FAM184A: variants seen among roughly 807,000 people sequenced by gnomAD.
The protein encoded by FAM184A is protein FAM184A.
Under a neutral mutation model 143.8 loss-of-function variants are expected in FAM184A, and 99 were observed. The observed-to-expected ratio is 0.69, with a 90% CI of 0.58 to 0.81. FAM184A has a LOEUF of 0.81. Among genes scored for constraint, FAM184A ranks in the 40% least tolerant of loss-of-function variants. The pLI is 0.00. For synonymous variants in FAM184A, 427 were observed against 446.4 expected (o/e 0.96, Z 0.55); for missense variants, 1,217 against 1,310.5 (o/e 0.93, Z 1.10).
intron 9 of FAM184A, among the ~76,000 whole-genome samples, chr6:118,991,143 ATATTT>A (rs949940310): frequency 1.3e-5 from 2 of 151,774 alleles, no homozygotes; most frequent in Admixed American, 1.3e-4. Context: ...GTAAGAAAAG[ATATTT>A]TATTTTATTT....
intron 1 of FAM184A, among the ~76,000 whole-genome samples, chr6:119,032,142 C>A (rs1373573966): frequency 6.6e-6 from 1 of 151,830 alleles, no homozygotes; most frequent in Non-Finnish European, 1.5e-5. Context: ...CATGGTGGTA[C>A]GTGCCTATAA....
chr6:118,960,657 G>T, intron 17 of FAM184A: 1 of 427,910 alleles, frequency 2.3e-6, no homozygotes, highest in South Asian at 2.3e-5. Context: ...TCCAGGAAAG[G>T]GAGAACACTA....
intron 1 of FAM184A, among the ~76,000 whole-genome samples, chr6:119,066,149 A>G (rs1787445623): frequency 1.3e-5 from 2 of 152,222 alleles, no homozygotes; most frequent in South Asian, 2.1e-4. Flanking sequence ...ATTGGCCTAC[A>G]TGACTTTGTA....
chr6:118,988,168 C>T (rs1784253373), intron 9 of FAM184A, among the ~76,000 whole-genome samples: 1 of 151,856 alleles, frequency 6.6e-6, no homozygotes, highest in Non-Finnish European at 1.5e-5. Context: ...CAGAAATCAA[C>T]TAAGTGAAAG....
intron 1 of FAM184A, among the ~76,000 whole-genome samples, chr6:119,148,248 A>C (rs1007958766): frequency 3.3e-5 from 5 of 152,080 alleles, no homozygotes; most frequent in Non-Finnish European, 7.4e-5. Context: ...ACTTCTGGTG[A>C]TCTCCTGAGT....
intron 1 of FAM184A, among the ~76,000 whole-genome samples, chr6:119,073,160 C>G (rs557922197): frequency 6.6e-6 from 1 of 152,176 alleles, no homozygotes; most frequent in African/African-American, 2.4e-5. Context: ...TCAATGCTAA[C>G]GCACAGCAAG....
rs1048669494 is a variant in FAM184A, at chr6:119,058,191, T to C, written c.159+19950A>G. On this transcript the variant is annotated intron_variant, in intron 1 of 17. Transcript: ENST00000338891. ...TCCTTCTCTCTTTTTTTTTTTTTTT[T>C]TTTTTTTTTTGAGATAGAGTCTTGC... Among the ~76,000 whole-genome samples the C allele has an allele frequency of 4.2e-5, 6 of 143,750 alleles. No homozygotes were observed. The East Asian group carries it at 6.0e-4, about 14-fold the overall frequency. 94.3% of individuals were successfully genotyped at this position (143,750 alleles called of 152,430 possible). A position where few individuals can be genotyped will look rare whatever the true frequency, so the allele number is the denominator to read the frequency against.
chr6:119,036,176 C>T (rs1786105217), intron 1 of FAM184A, among the ~76,000 whole-genome samples: 1 of 150,708 alleles, frequency 6.6e-6, no homozygotes, highest in Non-Finnish European at 1.5e-5. Context: ...AGTTCAGCCC[C>T]ATAAATGATT....
intron 14 of FAM184A, among the ~76,000 whole-genome samples, chr6:118,970,207 T>C (rs1783655479): frequency 6.6e-6 from 1 of 150,630 alleles, no homozygotes; most frequent in Non-Finnish European, 1.5e-5. Flanking sequence ...TTTTACCATG[T>C]TGGTCAGGCT....
intron 1 of FAM184A, among the ~76,000 whole-genome samples, chr6:119,097,762 C>T (rs1167791404): frequency 6.6e-6 from 1 of 152,126 alleles, no homozygotes; most frequent in Non-Finnish European, 1.5e-5. Flanking sequence ...CAGAATCTGT[C>T]TCTCTCTTTC....
intron 1 of FAM184A, among the ~76,000 whole-genome samples, chr6:119,071,131 A>C (rs1787670902): frequency 6.6e-6 from 1 of 152,204 alleles, no homozygotes; most frequent in South Asian, 2.1e-4. Flanking sequence ...AAAATGAAGA[A>C]ATTACTCCAG....
rs781745656 is a variant in FAM184A, at chr6:119,019,958, G to C, written c.1332+20C>G. 4 of 1,506,816 alleles carry C rather than the reference G, an allele frequency of 2.7e-6. No individual in the cohort carries two copies. The South Asian group carries it at 4.1e-5, about 15-fold the overall frequency. The allele number at this position is 1,506,816 out of a possible 1,614,324, so 93.3% of individuals were successfully genotyped here. A position where few individuals can be genotyped will look rare whatever the true frequency, so the allele number is the denominator to read the frequency against. ...AAACGGAACTCTTTCGGGGGGAATG[G>C]AGTGTCCATTACTTTTTACCTTCTC... is the stretch of plus-strand genomic sequence containing the variant. On this transcript the variant is annotated intron_variant, in intron 4 of 17. Coordinates refer to ENST00000338891, the MANE Select transcript of FAM184A (RefSeq NM_024581.6).
At chr6:119,136,841 C>G (rs1206340195) in intron 1 of FAM184A, among the ~76,000 whole-genome samples, 1 of 152,174 alleles carries the variant, frequency 6.6e-6, no homozygotes, top group East Asian at 1.9e-4. Context: ...ACAGTTCCAC[C>G]AAGACGGCTA....
At chr6:118,979,103 C>T (rs1783940216) in intron 11 of FAM184A, among the ~76,000 whole-genome samples, 3 of 152,156 alleles carry the variant, frequency 2.0e-5, no homozygotes, top group Admixed American at 2.0e-4. Flanking sequence ...TGTCCTGAGT[C>T]CACTTAGTCC....
intron 1 of FAM184A, among the ~76,000 whole-genome samples, chr6:119,077,201 T>A (rs1008872529): frequency 5.3e-5 from 8 of 152,238 alleles, no homozygotes; most frequent in African/African-American, 1.7e-4. Context: ...AACTTTACAG[T>A]TGAGTCAGAC....
At chr6:118,962,474 G>A (rs903337549) in intron 16 of FAM184A, 1 of 154,588 alleles carries the variant, frequency 6.5e-6, no homozygotes, top group Non-Finnish European at 1.4e-5. Flanking sequence ...AATGTAGTTT[G>A]AAACAAATTG....
intron 1 of FAM184A, among the ~76,000 whole-genome samples, chr6:119,072,042 T>G (rs1787709327): frequency 6.6e-6 from 1 of 151,826 alleles, no homozygotes. Context: ...TTGTATTTTT[T>G]GTAAAGACGG....
intron 9 of FAM184A, among the ~76,000 whole-genome samples, chr6:118,980,955 C>T (rs1339664702): frequency 6.6e-6 from 1 of 152,178 alleles, no homozygotes; most frequent in Non-Finnish European, 1.5e-5. Flanking sequence ...TTAGAATCAT[C>T]ATGTAAATTT....
At chr6:118,993,090 CTA>C (rs1562464676) in intron 9 of FAM184A, among the ~76,000 whole-genome samples, 1 of 152,144 alleles carries the variant, frequency 6.6e-6, no homozygotes, top group Non-Finnish European at 1.5e-5. Context: ...GGGAAGCATT[CTA>C]TATGAGTAAG....
Sources: allele counts gnomAD v4.1 joint callset (sites outside exome capture counted in the v4.1 genomes callset), GRCh38; gene constraint gnomAD v4.1.1; transcripts MANE v1.5; gene names NCBI Gene and HGNC (gene_info 2026-07-23, HGNC 2026-07-21).